ABHD18: variants seen among roughly 807,000 people sequenced by gnomAD.
ABHD18 encodes abhydrolase domain containing 18, also known as cardiolipin-specific deacylase, mitochondrial.
A neutral mutation model predicts 65.9 loss-of-function variants in ABHD18; 55 were observed. The observed-to-expected ratio is 0.84, with a 90% CI of 0.67 to 1.05. The LOEUF (loss-of-function observed/expected upper bound fraction) is 1.05, where lower values mean the gene tolerates loss of function less well. Among genes scored for constraint, ABHD18 ranks in the 50% least tolerant of loss-of-function variants. ABHD18 has a pLI of 0.00. For synonymous variants in ABHD18, 181 were observed against 180.2 expected (o/e 1.00, Z -0.04); for missense variants, 533 against 558.5 (o/e 0.95, Z 0.46).
intron 1 of ABHD18, among the ~76,000 whole-genome samples, chr4:127,978,393 A>G (rs578016338): frequency 1.3e-5 from 2 of 152,308 alleles, no homozygotes; most frequent in East Asian, 3.9e-4. Flanking sequence ...ATTTTAAAGA[A>G]CTAAATTTGA....
chr4:128,020,134 C>T lies in ABHD18; in HGVS notation c.664C>T (p.Leu222=). 1 of 1,613,604 alleles carries T rather than the reference C, an allele frequency of 6.2e-7. No homozygotes were observed. Among genetic ancestry groups the T allele is most frequent in the South Asian group, 1.1e-5 (1 of 91,012 alleles). The change falls in exon 9 of 13, where the codon CTG becomes TTG. Residue 222 remains leucine (L), a synonymous_variant. Transcript: ENST00000645843. ...TAAGCCCATGCCATTGATTCCATGC[C>T]TGTCTTGGTCCACAGCATCTGGGGT... The part of the protein sequence containing the change: ...WPKPMPLIPC[L]SWSTASGVFT...
intron 10 of ABHD18, among the ~76,000 whole-genome samples, chr4:128,023,275 C>T (rs1252343286): frequency 6.6e-6 from 1 of 151,578 alleles, no homozygotes; most frequent in Non-Finnish European, 1.5e-5. Flanking sequence ...TACAAAATAG[C>T]TTTATCGGGA....
intron 12 of ABHD18, among the ~76,000 whole-genome samples, chr4:128,032,744 GAATA>G (rs1352090968): frequency 6.6e-6 from 1 of 151,880 alleles, no homozygotes; most frequent in Non-Finnish European, 1.5e-5. Flanking sequence ...ATGAATGAAT[GAATA>G]AATAAAGCCA....
chr4:128,020,958 C>T (rs1217782619), intron 9 of ABHD18, among the ~76,000 whole-genome samples, 179 bp from the exon 10 acceptor site: 1 of 151,084 alleles, frequency 6.6e-6, no homozygotes, highest in African/African-American at 2.4e-5. Context: ...TGCTTGAACC[C>T]AGAAGGTGGA....
In ABHD18 at chr4:128,001,841, G is replaced by A. The variant is rs201351513; in HGVS notation, c.279-7079G>A. The A allele has an allele frequency of 1.8e-5, 23 of 1,243,970 alleles. No individual in the cohort carries two copies. The Admixed American group carries it at 1.2e-3, about 65-fold the overall frequency. 77.1% of individuals were successfully genotyped at this position (1,243,970 alleles called of 1,614,324 possible). A position where few individuals can be genotyped will look rare whatever the true frequency, so the allele number is the denominator to read the frequency against. On this transcript the variant is annotated intron_variant, in intron 4 of 12. Transcript: ENST00000645843. Reference sequence around the variant, plus strand: ...GTGGTTAGATGTTGAGTTTTGTTTTGTTTTGTTTTTTTTTTTAATTCCTTG... The same window carrying A: ...GTGGTTAGATGTTGAGTTTTGTTTTATTTTGTTTTTTTTTTTAATTCCTTG...
chr4:127,974,996 T>TC (rs1553959986), intron 1 of ABHD18, among the ~76,000 whole-genome samples: 2 of 9,392 alleles, frequency 2.1e-4, no homozygotes, highest in Admixed American at 1.1e-3. Flanking sequence ...AAACTGTGTC[T>TC]CAAAAAAAAA....
At chr4:128,029,021 T>TA (rs986875885) in intron 11 of ABHD18, among the ~76,000 whole-genome samples, 168 bp downstream of exon 11, 4 of 152,182 alleles carry the variant, frequency 2.6e-5, no homozygotes, top group African/African-American at 9.6e-5. Flanking sequence ...TATCATATTC[T>TA]ATCTATGAAA....
intron 7 of ABHD18, among the ~76,000 whole-genome samples, chr4:128,015,076 T>TA (rs35551300): frequency 0.09 from 11,110 of 122,924 alleles, 476 homozygotes; most frequent in African/African-American, 0.13. Context: ...AAACTCCATC[T>TA]AAAAAAAAAA....
intron 10 of ABHD18, among the ~76,000 whole-genome samples, chr4:128,022,154 G>A (rs1756601574): frequency 6.6e-6 from 1 of 152,120 alleles, no homozygotes; most frequent in Admixed American, 6.5e-5. Context: ...GGTGCAGCAA[G>A]CCAACATGGC....
intron 4 of ABHD18, among the ~76,000 whole-genome samples, chr4:127,993,421 T>C (rs1288970872): frequency 6.6e-6 from 1 of 152,230 alleles, no homozygotes; most frequent in Non-Finnish European, 1.5e-5. Flanking sequence ...TAATATTTTT[T>C]TCAACAATTT....
intron 2 of ABHD18, among the ~76,000 whole-genome samples, chr4:127,983,924 A>G (rs1282065409): frequency 2.0e-5 from 3 of 152,170 alleles, no homozygotes; most frequent in Non-Finnish European, 4.4e-5. Flanking sequence ...CTGTAATCCC[A>G]GCTACTCGGG....
intron 1 of ABHD18, among the ~76,000 whole-genome samples, chr4:127,982,667 C>T (rs1749262584): frequency 6.6e-6 from 1 of 152,066 alleles, no homozygotes; most frequent in African/African-American, 2.4e-5. Context: ...TTTTATCCAG[C>T]AAATAGAGGG....
At position 127,982,993 on chromosome 4, in the gene ABHD18, T is replaced by C. The variant is rs1228354813; in HGVS notation, c.38T>C (p.Leu13Pro). ...VSKLDILYRR[L>P]LLTKLFIRGW... ...AAGTTAGATATTCTATACCGGAGAC[T>C]TCTCCTAACAAAACTTTTTATCAGA... is the stretch of plus-strand genomic sequence containing the variant. Residue 13 changes from leucine (L) to proline (P), a missense_variant, in exon 2 of 13, where the codon CTT (leucine) becomes CCT (proline). Leu to Pro is a moderately conservative substitution (Grantham distance 98). Around this residue, in one of 3 missense-constraint regions of ABHD18, gnomAD observed 309 missense variants for 313.5 expected, o/e 0.99. Transcript: ENST00000645843. 2 of 1,566,440 alleles carry C rather than the reference T, an allele frequency of 1.3e-6. No individual in the cohort carries two copies. Among genetic ancestry groups the C allele is most frequent in the East Asian group, 2.3e-5 (1 of 42,848 alleles).
At chr4:128,023,878 C>G (rs556858293) in intron 10 of ABHD18, among the ~76,000 whole-genome samples, 1 of 151,968 alleles carries the variant, frequency 6.6e-6, no homozygotes, top group South Asian at 2.1e-4. Flanking sequence ...AGCGAGACTC[C>G]GTCTCAAAAA....
chr4:127,981,141 TACAGTCTCTA>T (rs1225744319), intron 1 of ABHD18, among the ~76,000 whole-genome samples: 1 of 152,158 alleles, frequency 6.6e-6, no homozygotes. Context: ...CTTAAATACT[TACAGTCTCTA>T]ACTTATGGTG....
At chr4:127,977,585 G>C (rs1748195098) in intron 1 of ABHD18, among the ~76,000 whole-genome samples, 1 of 152,170 alleles carries the variant, frequency 6.6e-6, no homozygotes, top group Non-Finnish European at 1.5e-5. Flanking sequence ...AACATGCATA[G>C]AACTTTCTTT....
rs1415545467 is a variant in ABHD18 at position 127,989,744 on chromosome 4, G to A, written c.201G>A (p.Lys67=). 1.3e-6 allele frequency: 2 copies of A among 1,593,858 alleles called. No homozygotes were observed. Among genetic ancestry groups the A allele is most frequent in the Admixed American group, 1.8e-5 (1 of 56,906 alleles). The change falls in exon 4 of 13, where the codon AAG becomes AAA. Residue 67 remains lysine (K), a synonymous_variant. Coordinates refer to ENST00000645843, the MANE Select transcript of ABHD18 (RefSeq NM_001358451.3). ...IDKIEEQSDC[K]ILDGHFVSPM... is the part of the protein sequence containing the mutation. Reference sequence around the variant, plus strand: ...AGATTGAAGAGCAATCAGATTGTAAGATCTTAGATGGACACTTTGTTTCCC... The same window carrying A: ...AGATTGAAGAGCAATCAGATTGTAAAATCTTAGATGGACACTTTGTTTCCC...
intron 4 of ABHD18, among the ~76,000 whole-genome samples, chr4:128,002,637 A>G (rs980777698): frequency 3.3e-5 from 5 of 151,272 alleles, no homozygotes; most frequent in Non-Finnish European, 7.4e-5. Flanking sequence ...TGGAACTACT[A>G]GATTAATACT....
intron 1 of ABHD18, among the ~76,000 whole-genome samples, chr4:127,972,210 C>T (rs777684422): frequency 1.5e-4 from 23 of 152,162 alleles, no homozygotes; most frequent in Non-Finnish European, 3.1e-4. Flanking sequence ...TCCTTCCTGA[C>T]GCACCAAGGT....
Sources: allele counts gnomAD v4.1 joint callset (sites outside exome capture counted in the v4.1 genomes callset), GRCh38; gene constraint gnomAD v4.1.1; regional missense constraint gnomAD v4.1.1; transcripts MANE v1.5; gene names NCBI Gene and HGNC (gene_info 2026-07-23, HGNC 2026-07-21).